Variants in PCDH15 observed in about 807,000 individuals in gnomAD.
PCDH15 encodes the protein protocadherin related 15, also known as protocadherin-15.
Under a neutral mutation model 178.5 loss-of-function variants are expected in PCDH15, and 129 were observed. The ratio of observed to expected loss-of-function variants is 0.72; its 90% CI spans 0.63 to 0.84. PCDH15 has a LOEUF of 0.84. Ranked by LOEUF, PCDH15 falls within the 40% of genes least tolerant of loss-of-function variation. PCDH15 has a pLI of 0.00. For synonymous variants in PCDH15, 800 were observed against 732.0 expected (o/e 1.09, Z -1.50); for missense variants, 2,230 against 2,099.9 (o/e 1.06, Z -1.21).
intron 2 of PCDH15, among the ~76,000 whole-genome samples, chr10:55,072,748 T>C (rs931096008): frequency 2.6e-5 from 4 of 152,018 alleles, no homozygotes; most frequent in Non-Finnish European, 4.4e-5. Flanking sequence ...ACTCATTTTA[T>C]GAGGCCAGCA....
chr10:55,427,098 C>T (rs1838776302), intron 2 of PCDH15, among the ~76,000 whole-genome samples: 1 of 152,100 alleles, frequency 6.6e-6, no homozygotes, highest in Non-Finnish European at 1.5e-5. Flanking sequence ...GGTGGGCCCT[C>T]GCCAGAGACC....
chr10:55,374,772 T>G (rs1374780239), intron 2 of PCDH15, among the ~76,000 whole-genome samples: 1 of 152,062 alleles, frequency 6.6e-6, no homozygotes, highest in African/African-American at 2.4e-5. Context: ...AAAGCATAAT[T>G]TTTGTTGTGA....
At chr10:54,020,478 G>A in intron 19 of PCDH15, 62 bp from the exon 20 acceptor site, 1 of 1,494,820 alleles carries the variant, frequency 6.7e-7, no homozygotes, top group Non-Finnish European at 9.3e-7. Context: ...ATGCAGGAAG[G>A]ATGGAAGTCA....
At chr10:53,808,991 C>A in intron 37 of PCDH15, 3 of 1,566,024 alleles carry the variant, frequency 1.9e-6, no homozygotes, top group Non-Finnish European at 2.6e-6. Context: ...ATCTTAGGTT[C>A]TTTTTGTTCT....
chr10:55,512,295 T>G (rs896310731), intron 2 of PCDH15, among the ~76,000 whole-genome samples: 2 of 152,114 alleles, frequency 1.3e-5, no homozygotes, highest in Non-Finnish European at 2.9e-5. Flanking sequence ...TATTTTGCAC[T>G]GTATCCTCTA....
chr10:54,115,199 G>A (rs1427430988), intron 15 of PCDH15, among the ~76,000 whole-genome samples: 1 of 152,116 alleles, frequency 6.6e-6, no homozygotes, highest in African/African-American at 2.4e-5. Context: ...TGACAAGGGG[G>A]CCTGTGGATA....
At chr10:53,824,708 T>C (rs79226730) in intron 32 of PCDH15, among the ~76,000 whole-genome samples, 3 of 152,142 alleles carry the variant, frequency 2.0e-5, no homozygotes, top group African/African-American at 7.2e-5. Context: ...TGATATTATA[T>C]ACTGGTTGTT....
intron 3 of PCDH15, among the ~76,000 whole-genome samples, chr10:54,808,564 C>T (rs1291082123): frequency 1.3e-5 from 2 of 152,184 alleles, no homozygotes; most frequent in Non-Finnish European, 2.9e-5. Context: ...TTAGAGCCAC[C>T]ATCAAAATCT....
intron 4 of PCDH15, among the ~76,000 whole-genome samples, chr10:54,375,634 A>C (rs1277020975): frequency 6.6e-6 from 1 of 151,518 alleles, no homozygotes; most frequent in Non-Finnish European, 1.5e-5. Flanking sequence ...ATTTTCTATA[A>C]AAATAATTTC....
intron 10 of PCDH15, among the ~76,000 whole-genome samples, chr10:54,208,686 TTGTTA>T (rs1454389709): frequency 6.6e-6 from 1 of 152,034 alleles, no homozygotes; most frequent in Non-Finnish European, 1.5e-5. Context: ...CTTTTGTACT[TTGTTA>T]GAGTGGCCTG....
chr10:54,673,066 G>T (rs2094705798), intron 1 of PCDH15, among the ~76,000 whole-genome samples: 1 of 151,796 alleles, frequency 6.6e-6, no homozygotes, highest in Non-Finnish European at 1.5e-5. Context: ...AATTGGTAAA[G>T]CATGTCATTT....
chr10:54,108,275 C>A (rs949714950), intron 15 of PCDH15, among the ~76,000 whole-genome samples: 4 of 152,144 alleles, frequency 2.6e-5, no homozygotes, highest in Non-Finnish European at 5.9e-5. Flanking sequence ...ACCCCTCCCC[C>A]ATCCCCTGGC....
intron 3 of PCDH15, among the ~76,000 whole-genome samples, chr10:54,806,436 GA>G (rs370077335): frequency 6.7e-6 from 1 of 148,336 alleles, no homozygotes; most frequent in Non-Finnish European, 1.5e-5. Flanking sequence ...AGGTTGTTTG[GA>G]AAAAAAAATC....
At chr10:55,103,250 A>G (rs948946464) in intron 2 of PCDH15, among the ~76,000 whole-genome samples, 1 of 152,050 alleles carries the variant, frequency 6.6e-6, no homozygotes, top group Non-Finnish European at 1.5e-5. Flanking sequence ...GTGTTGAATA[A>G]TTGGAACACT....
At chr10:55,167,221 C>T (rs1176090398) in intron 1 of PCDH15, among the ~76,000 whole-genome samples, 12 of 152,106 alleles carry the variant, frequency 7.9e-5, no homozygotes. Flanking sequence ...TCAAGCTATT[C>T]TCCCACCTCA....
intron 2 of PCDH15, among the ~76,000 whole-genome samples, chr10:55,572,280 A>C (rs1842419967): frequency 6.6e-6 from 1 of 150,862 alleles, no homozygotes; most frequent in Non-Finnish European, 1.5e-5. Context: ...ATAAAATGAA[A>C]GTAATTTATA....
chr10:54,427,269 G>GA (rs1956385838), intron 3 of PCDH15, among the ~76,000 whole-genome samples: 2 of 56,768 alleles, frequency 3.5e-5, no homozygotes, highest in Admixed American at 1.8e-4. Context: ...TCTTTTTCTG[G>GA]TTTTTTTTTT....
At chr10:54,516,971 G>C (rs564212861) in intron 3 of PCDH15, among the ~76,000 whole-genome samples, 3,432 of 152,028 alleles carry the variant, frequency 0.023, 125 homozygotes, top group African/African-American at 0.078. Flanking sequence ...AGCTTCATAA[G>C]TGAAGGAGAA....
At chr10:54,025,471 A>G (rs1467439474) in intron 18 of PCDH15, among the ~76,000 whole-genome samples, 3 of 150,038 alleles carry the variant, frequency 2.0e-5, no homozygotes. Context: ...AGGTCCCCAT[A>G]TCCCTTGGTT....
Sources: allele counts gnomAD v4.1 joint callset (sites outside exome capture counted in the v4.1 genomes callset), GRCh38; gene constraint gnomAD v4.1.1; transcripts MANE v1.5; gene names NCBI Gene and HGNC (gene_info 2026-07-23, HGNC 2026-07-21).